Variants in FNDC3B observed in about 807,000 individuals in gnomAD.
The protein encoded by FNDC3B is fibronectin type III domain-containing protein 3B.
A neutral mutation model predicts 151.5 loss-of-function variants in FNDC3B; 12 were observed. The ratio of observed to expected loss-of-function variants is 0.08; its 90% confidence interval spans 0.05 to 0.13. The LOEUF is 0.13. FNDC3B is among the 10% of genes least tolerant of loss of function. The pLI is 1.00. For synonymous variants in FNDC3B, 528 were observed against 549.0 expected, an observed-to-expected ratio of 0.96 and a Z score of 0.54; for missense variants, 1,214 against 1,505.3, an observed-to-expected ratio of 0.81 and a Z score of 3.20.
chr3:172,337,351 G>T lies in FNDC3B; in HGVS notation c.1802G>T (p.Gly601Val). ...VKWDPPKDNG[G>V]SEILKYLLEI... ...CCAGATCCCCCTAAGGACAATGGTGGTTCAGAAATCCTCAAGTACTTGCTA... is the reference window on the plus strand; with the variant it reads ...CCAGATCCCCCTAAGGACAATGGTGTTTCAGAAATCCTCAAGTACTTGCTA... The change falls in exon 16 of 26, where the codon GGT becomes GTT. Residue 601 changes from glycine (G) to valine (V), a missense_variant. Transcript: ENST00000415807. 1 of 1,611,882 alleles carries T rather than the reference G, an allele frequency of 6.2e-7. No individual in the cohort carries two copies. The highest frequency in any genetic ancestry group is 8.5e-7 in the Non-Finnish European group (1 of 1,178,228).
chr3:172,156,781 T>A (rs1002353246), intron 3 of FNDC3B, among the ~76,000 whole-genome samples: 1 of 152,068 alleles, frequency 6.6e-6, no homozygotes, highest in African/African-American at 2.4e-5. Flanking sequence ...ATCTGTTTGA[T>A]CTTGATGTGG....
intron 9 of FNDC3B, among the ~76,000 whole-genome samples, chr3:172,299,124 CTT>C (rs1730777296): frequency 6.6e-6 from 1 of 152,160 alleles, no homozygotes; most frequent in East Asian, 1.9e-4. Flanking sequence ...ATCATTGTTT[CTT>C]ATAGACCATC....
At chr3:172,378,154 A>G (rs1735248463) in intron 23 of FNDC3B, 116 bp from the exon 24 acceptor site, 4 of 731,298 alleles carry the variant, frequency 5.5e-6, no homozygotes, top group Non-Finnish European at 8.8e-6. Flanking sequence ...TTAATTCAGA[A>G]TGTATGGAAA....
chr3:172,124,243 A>G (rs547047678), intron 2 of FNDC3B, among the ~76,000 whole-genome samples: 1 of 152,102 alleles, frequency 6.6e-6, no homozygotes, highest in Non-Finnish European at 1.5e-5. Context: ...GGCACCCACT[A>G]CCACACCCTG....
chr3:172,352,855 C>T lies in FNDC3B; in HGVS notation c.2567C>T (p.Thr856Met), dbSNP rs202127932. The T allele has an allele frequency of 1.2e-4, 200 of 1,614,174 alleles. No homozygotes were observed. Among genetic ancestry groups the T allele is most frequent in the South Asian group, 8.8e-5 (8 of 91,080 alleles). The change falls in exon 22 of 26, where the codon ACG (threonine) becomes ATG (methionine). Residue 856 changes from threonine (T) to methionine (M), a missense_variant. Thr to Met is a moderately conservative substitution (Grantham distance 81, BLOSUM62 -1). Around this residue, in one of 7 missense-constraint regions of FNDC3B, gnomAD observed 380 missense variants for 420.9 expected, o/e 0.90. Transcript: ENST00000415807. The surrounding 1 kb of genome is among the most constrained non-coding windows in gnomAD (Gnocchi z 4.2). ...TACAGTGAACTTGTCCTTTGCCAGACGCCAGCGTCTGCCCCTGACCCCGTC... is the reference window on the plus strand; with the variant it reads ...TACAGTGAACTTGTCCTTTGCCAGATGCCAGCGTCTGCCCCTGACCCCGTC... The part of the protein sequence containing the change: ...GPYSELVLCQ[T>M]PASAPDPVST...
intron 6 of FNDC3B, among the ~76,000 whole-genome samples, chr3:172,272,107 G>T (rs59842567): frequency 0.06 from 9,174 of 152,180 alleles, 727 homozygotes; most frequent in African/African-American, 0.18. Flanking sequence ...AATATGGAGA[G>T]ATTATAAACC....
chr3:172,231,915 C>T (rs1231988936), intron 4 of FNDC3B, among the ~76,000 whole-genome samples: 1 of 130,154 alleles, frequency 7.7e-6, no homozygotes, highest in Non-Finnish European at 1.6e-5. Flanking sequence ...GAGTCTTGCT[C>T]TGACGCCCAG....
intron 11 of FNDC3B, among the ~76,000 whole-genome samples, chr3:172,319,755 C>G (rs1458845377): frequency 6.6e-6 from 1 of 152,152 alleles, no homozygotes; most frequent in African/African-American, 2.4e-5. Flanking sequence ...ATTTCTGAAG[C>G]CAACATTGGT....
chr3:172,085,875 A>G (rs919136290), intron 1 of FNDC3B, among the ~76,000 whole-genome samples: 6 of 152,232 alleles, frequency 3.9e-5, no homozygotes, highest in African/African-American at 1.2e-4. Context: ...GCATGGCCAC[A>G]TTGCTTGTTT....
At chr3:172,260,346 T>C (rs1728583104) in intron 6 of FNDC3B, among the ~76,000 whole-genome samples, 1 of 152,240 alleles carries the variant, frequency 6.6e-6, no homozygotes, top group Non-Finnish European at 1.5e-5. Context: ...ACCTTGCAGA[T>C]CTTGGTTTAG....
chr3:172,193,057 C>G (rs1313202176), intron 3 of FNDC3B, among the ~76,000 whole-genome samples: 1 of 151,876 alleles, frequency 6.6e-6, no homozygotes, highest in African/African-American at 2.4e-5. Context: ...TTTGTCCTAT[C>G]TCTCCAAATC....
chr3:172,240,037 AT>A (rs1370264581), intron 4 of FNDC3B, among the ~76,000 whole-genome samples: 1 of 151,254 alleles, frequency 6.6e-6, no homozygotes, highest in Non-Finnish European at 1.5e-5. Flanking sequence ...CCTGGCTAAT[AT>A]TTTTTTGTAT....
intron 3 of FNDC3B, chr3:172,134,494 A>G (rs376700363): frequency 1.5e-4 from 68 of 456,800 alleles, no homozygotes; most frequent in African/African-American, 1.2e-3. Context: ...CTTTACTATT[A>G]ATACCTGAAC....
intron 3 of FNDC3B, among the ~76,000 whole-genome samples, chr3:172,218,667 A>G (rs1003230538): frequency 7.9e-5 from 12 of 152,226 alleles, no homozygotes; most frequent in Non-Finnish European, 1.6e-4. Flanking sequence ...TGAAATTAGC[A>G]GCTGTCATCC....
chr3:172,339,835 A>G (rs1203042699), intron 16 of FNDC3B, among the ~76,000 whole-genome samples: 1 of 152,134 alleles, frequency 6.6e-6, no homozygotes, highest in Non-Finnish European at 1.5e-5. Flanking sequence ...CCTTTTCAGT[A>G]CAGGTTTTTT....
intron 4 of FNDC3B, among the ~76,000 whole-genome samples, chr3:172,235,708 C>T (rs1023965341): frequency 6.6e-6 from 1 of 152,190 alleles, no homozygotes; most frequent in African/African-American, 2.4e-5. Context: ...ATAGCTGTAT[C>T]CTTCCCTGCA....
chr3:172,297,937 G>A (rs1730723519), intron 8 of FNDC3B, among the ~76,000 whole-genome samples: 1 of 152,044 alleles, frequency 6.6e-6, no homozygotes, highest in African/African-American at 2.4e-5. Flanking sequence ...TTGTCGCTTG[G>A]TCTATAAATA....
intron 1 of FNDC3B, among the ~76,000 whole-genome samples, chr3:172,055,850 G>A (rs755212774): frequency 4.0e-5 from 6 of 151,780 alleles, no homozygotes; most frequent in Non-Finnish European, 7.4e-5. Flanking sequence ...GTGCGATCTC[G>A]GCTCACTGCA....
intron 3 of FNDC3B, among the ~76,000 whole-genome samples, chr3:172,177,647 T>TTTTTTTTTTTTTTTCAG (rs1723672776): frequency 8.5e-6 from 1 of 117,356 alleles, no homozygotes; most frequent in Non-Finnish European, 1.9e-5. Flanking sequence ...TTTTTTTTTT[T>TTTTTTTTTTTTTTTCAG]GCACAGGGGC....
Sources: gnomAD v4.1 joint callset for allele counts (sites outside exome capture counted in the v4.1 genomes callset) on GRCh38, gnomAD v4.1.1 for gene constraint, gnomAD v4.1.1 regional missense constraint, Gnocchi (gnomAD v3.1) non-coding constraint, MANE v1.5 for transcripts, NCBI Gene and HGNC (gene_info 2026-07-23, HGNC 2026-07-21) for gene names.